Variants in NFIA observed in about 807,000 individuals in gnomAD.
The protein encoded by NFIA is nuclear factor 1 A-type.
NFIA carries 8 observed loss-of-function variants against 62.8 expected under a neutral mutation model. That is an observed-to-expected ratio of 0.13 (90% CI 0.07 to 0.23). The LOEUF is 0.23. NFIA is among the 10% of genes least tolerant of loss of function. NFIA has a pLI of 1.00. For missense variants in NFIA, 410 were observed against 642.1 expected, an observed-to-expected ratio of 0.64 and a Z score of 3.91; for synonymous variants, 235 against 238.1, an observed-to-expected ratio of 0.99 and a Z score of 0.12.
chr1:61,172,262 C>T lies in NFIA; in HGVS notation c.559+83582C>T, dbSNP rs931994168. Among the ~76,000 whole-genome samples, 3 of 152,130 alleles carry T rather than the reference C, an allele frequency of 2.0e-5. No homozygotes were observed. In the East Asian group the frequency reaches 5.8e-4, roughly 30 times the overall value. On this transcript the variant is annotated intron_variant, in intron 2 of 10. Transcript: ENST00000403491. Reference sequence around the variant, plus strand: ...CCACGATCCTGGAGGCAAATGGTCACAGAAGCAGAGGATGGTATCCCCAGA... The same window carrying T: ...CCACGATCCTGGAGGCAAATGGTCATAGAAGCAGAGGATGGTATCCCCAGA...
intron 2 of NFIA, among the ~76,000 whole-genome samples, chr1:61,247,323 A>C (rs1655709563): frequency 6.6e-6 from 1 of 152,198 alleles, no homozygotes; most frequent in African/African-American, 2.4e-5. Context: ...TTCATGTTTC[A>C]TTTCGTGATA....
At chr1:61,436,129 T>G (rs1667316725) in intron 10 of NFIA, among the ~76,000 whole-genome samples, 1 of 152,158 alleles carries the variant, frequency 6.6e-6, no homozygotes, top group African/African-American at 2.4e-5. Flanking sequence ...GGAGGATATG[T>G]GCCTTTGTGG....
chr1:61,124,396 A>G (rs1183612511), intron 2 of NFIA, among the ~76,000 whole-genome samples: 1 of 152,204 alleles, frequency 6.6e-6, no homozygotes, highest in Non-Finnish European at 1.5e-5. Flanking sequence ...AGTGTTGTAT[A>G]TGAGATATGG....
chr1:61,295,988 G>A (rs1176955245), intron 3 of NFIA, among the ~76,000 whole-genome samples: 1 of 152,176 alleles, frequency 6.6e-6, no homozygotes. Context: ...CTCTTAGGGG[G>A]AACATTCTTT....
At chr1:61,434,150 G>A (rs1444977186) in intron 10 of NFIA, among the ~76,000 whole-genome samples, 1 of 152,186 alleles carries the variant, frequency 6.6e-6, no homozygotes, top group Non-Finnish European at 1.5e-5. Flanking sequence ...CCTTCCCAAG[G>A]GGAGACAATG....
At chr1:61,334,256 T>C (rs1661463498) in intron 4 of NFIA, among the ~76,000 whole-genome samples, 1 of 151,930 alleles carries the variant, frequency 6.6e-6, no homozygotes, top group African/African-American at 2.4e-5. Flanking sequence ...CAGCAGGTCA[T>C]AACTTGGAAG....
chr1:61,189,841 G>C lies in NFIA; in HGVS notation c.560-87679G>C, dbSNP rs181126575. Reference sequence around the variant, plus strand: ...CTGGCTAAGCAGGAGGGCTAGGCGTGTTGAATCCTAGAAACTCACTGAATA... The same window carrying C: ...CTGGCTAAGCAGGAGGGCTAGGCGTCTTGAATCCTAGAAACTCACTGAATA... On this transcript the variant is annotated intron_variant, in intron 2 of 10. Coordinates refer to ENST00000403491, the MANE Select transcript of NFIA (RefSeq NM_001134673.4). 1.1e-4 allele frequency among the ~76,000 whole-genome samples: 17 copies of C among 152,204 alleles called. No homozygotes were observed. The East Asian group carries it at 3.3e-3, about 29-fold the overall frequency.
intron 4 of NFIA, among the ~76,000 whole-genome samples, chr1:61,338,054 A>G (rs1661707330): frequency 6.6e-6 from 1 of 152,160 alleles, no homozygotes; most frequent in Non-Finnish European, 1.5e-5. Context: ...GGTGGGCTCT[A>G]ATTTTCTAGC....
At chr1:61,241,579 C>T (rs1655351344) in intron 2 of NFIA, among the ~76,000 whole-genome samples, 1 of 152,058 alleles carries the variant, frequency 6.6e-6, no homozygotes, top group South Asian at 2.1e-4. Flanking sequence ...CTGCCAAGGT[C>T]TGAGCACATT....
intron 2 of NFIA, among the ~76,000 whole-genome samples, chr1:61,182,948 A>T (rs896895854): frequency 6.6e-6 from 1 of 152,252 alleles, no homozygotes; most frequent in African/African-American, 2.4e-5. Context: ...CATGCTTAGC[A>T]TTAACTATAC....
Position 61,216,956 on chromosome 1 carries a change from C to T in NFIA, c.560-60564C>T, listed in dbSNP as rs185901215. Among the ~76,000 whole-genome samples, 380 of 151,650 alleles carry T rather than the reference C, an allele frequency of 2.5e-3. 1 individual carries two copies. The highest frequency in any genetic ancestry group is 8.9e-3 in the African/African-American group (366 of 41,336). On this transcript the variant is annotated intron_variant, in intron 2 of 10. Coordinates refer to ENST00000403491, the MANE Select transcript of NFIA (RefSeq NM_001134673.4). ...CAAAGGTTACAGTGAACCAAGATCA[C>T]GCCATTGCACTCCAGCCTGGGTGAC...
intron 2 of NFIA, among the ~76,000 whole-genome samples, chr1:61,259,351 G>T (rs1168800394): frequency 1.3e-5 from 2 of 152,166 alleles, no homozygotes; most frequent in Non-Finnish European, 2.9e-5. Flanking sequence ...ATCTTGCCCG[G>T]ACTGGCCCTT....
At chr1:61,177,652 ATTGTG>A (rs1443585871) in intron 2 of NFIA, among the ~76,000 whole-genome samples, 1 of 122,138 alleles carries the variant, frequency 8.2e-6, no homozygotes, top group East Asian at 3.0e-4. Flanking sequence ...TGTTTTCTCT[ATTGTG>A]TGTGTGTGTG....
At chr1:61,078,568 A>G (rs1244484597), upstream of NFIA, among the ~76,000 whole-genome samples, 1 of 152,218 alleles carries the variant, frequency 6.6e-6, no homozygotes, top group Non-Finnish European at 1.5e-5. Flanking sequence ...CATTTCAAGT[A>G]CTTTGAAATT....
intron 10 of NFIA, among the ~76,000 whole-genome samples, chr1:61,432,358 C>G (rs988675920): frequency 6.6e-6 from 1 of 151,882 alleles, no homozygotes; most frequent in African/African-American, 2.4e-5. Flanking sequence ...CCAGAAACCC[C>G]TTCACCCCTC....
At chr1:61,221,870 TGTC>T (rs1393577301) in intron 2 of NFIA, among the ~76,000 whole-genome samples, 1 of 152,130 alleles carries the variant, frequency 6.6e-6, no homozygotes, top group Non-Finnish European at 1.5e-5. Flanking sequence ...ATGATGCTGT[TGTC>T]AGAGCTAAAG....
chr1:61,403,780 T>A (rs1665683887), intron 7 of NFIA, among the ~76,000 whole-genome samples: 1 of 152,202 alleles, frequency 6.6e-6, no homozygotes, highest in Admixed American at 6.5e-5. Flanking sequence ...ATCTACCAAA[T>A]ACATTTTTTA....
Position 61,355,479 on chromosome 1 carries a change from A to G in NFIA, c.818+2912A>G, listed in dbSNP as rs560655195. Among the ~76,000 whole-genome samples, 6 of 152,310 alleles carry G rather than the reference A, an allele frequency of 3.9e-5. No homozygotes were observed. The East Asian group carries it at 1.2e-3, about 29-fold the overall frequency. The stretch of plus-strand genomic sequence containing the variant: ...TTTATCAAGATAAACCAGCTGTCAA[A>G]AGTTTGTGAAGTCAGAGTAAAGTTG... On this transcript the variant is annotated intron_variant, in intron 5 of 10. Coordinates refer to ENST00000403491, the MANE Select transcript of NFIA (RefSeq NM_001134673.4).
At position 61,428,017 on chromosome 1, in the gene NFIA, A is replaced by T. The variant is rs116112931; in HGVS notation, c.1512+1461A>T. ...AGTGTCCAAGTTCAATGAGAGGGGG[A>T]AAACTGGAGATGGTGGCTCTATATT... On this transcript the variant is annotated intron_variant, in intron 10 of 10. Transcript: ENST00000403491. 2.5e-3 allele frequency among the ~76,000 whole-genome samples: 385 copies of T among 152,272 alleles called. 1 individual carries two copies. Among genetic ancestry groups the T allele is most frequent in the African/African-American group, 8.9e-3 (370 of 41,550 alleles).
Sources: allele counts gnomAD v4.1 joint callset (sites outside exome capture counted in the v4.1 genomes callset), GRCh38; gene constraint gnomAD v4.1.1; transcripts MANE v1.5; gene names NCBI Gene and HGNC (gene_info 2026-07-23, HGNC 2026-07-21).